Variants in DACH2 observed in about 807,000 individuals in gnomAD.
DACH2 encodes dachshund family transcription factor 2, also known as dachshund homolog 2.
Under a neutral mutation model 35.8 loss-of-function variants are expected in DACH2, and 17 were observed. That is an observed-to-expected ratio of 0.48 (90% CI 0.33 to 0.71). The LOEUF is 0.71. DACH2 is among the 30% of genes least tolerant of loss of function. DACH2 has a pLI of 0.02. For synonymous variants in DACH2, 195 were observed against 177.3 expected (o/e 1.10, Z -0.79); for missense variants, 469 against 472.7 (o/e 0.99, Z 0.07).
At chrX:86,491,431 A>G (rs6617229) in intron 2 of DACH2, among the ~76,000 whole-genome samples, 16,069 of 111,630 alleles carry the variant, frequency 0.14, 950 homozygotes, top group South Asian at 0.27. Flanking sequence ...ATGAAAAGAG[A>G]AACAAACCTT....
chrX:86,385,269 A>G (rs2036106404), intron 2 of DACH2, among the ~76,000 whole-genome samples: 1 of 111,399 alleles, frequency 9.0e-6, no homozygotes, highest in East Asian at 2.8e-4. Flanking sequence ...TTTATTTTTT[A>G]TCATCAAATA....
intron 1 of DACH2, among the ~76,000 whole-genome samples, chrX:86,175,258 T>G (rs1419582073): frequency 9.0e-6 from 1 of 111,709 alleles, no homozygotes; most frequent in Non-Finnish European, 1.9e-5. Context: ...AAACAACATA[T>G]CCACAATGAG....
chrX:86,341,446 GA>G (rs945597433), intron 1 of DACH2, among the ~76,000 whole-genome samples: 5 of 110,828 alleles, frequency 4.5e-5, no homozygotes, highest in East Asian at 2.8e-4. Context: ...TACTGTTCAG[GA>G]AAAAAAAGGA....
At chrX:86,747,769 A>G (rs1426688622) in intron 7 of DACH2, among the ~76,000 whole-genome samples, 3 of 111,571 alleles carry the variant, frequency 2.7e-5, no homozygotes, top group Non-Finnish European at 5.7e-5. Flanking sequence ...ATTCCTTAAT[A>G]TAAGACAGCA....
chrX:86,205,770 T>C (rs2032294713), intron 1 of DACH2, among the ~76,000 whole-genome samples: 1 of 107,197 alleles, frequency 9.3e-6, no homozygotes, highest in African/African-American at 3.4e-5. Context: ...TTTTGCTGTG[T>C]TGCCCAAGTT....
At chrX:86,462,556 C>G (rs773583433) in intron 2 of DACH2, among the ~76,000 whole-genome samples, 172 of 111,038 alleles carry the variant, frequency 1.5e-3, no homozygotes, top group African/African-American at 5.4e-3. Flanking sequence ...TGCAGGAGTC[C>G]ACAATTACTG....
chrX:86,246,218 A>G (rs747100226), intron 1 of DACH2, among the ~76,000 whole-genome samples: 31 of 111,988 alleles, frequency 2.8e-4, no homozygotes, highest in Non-Finnish European at 3.0e-4. Context: ...AGTGAGGGAG[A>G]GAACACAAGC....
At chrX:86,819,215 A>T (rs1035419764) in intron 11 of DACH2, among the ~76,000 whole-genome samples, 2 of 109,760 alleles carry the variant, frequency 1.8e-5, no homozygotes, top group Non-Finnish European at 3.8e-5. Context: ...CTCCTACAGA[A>T]TGTTTTCTGG....
intron 7 of DACH2, among the ~76,000 whole-genome samples, chrX:86,798,354 GTAA>G (rs1231040534): frequency 8.9e-6 from 1 of 112,188 alleles, no homozygotes; most frequent in Non-Finnish European, 1.9e-5. Context: ...AACTGCTGTA[GTAA>G]TGAGAGGCTC....
intron 3 of DACH2, among the ~76,000 whole-genome samples, chrX:86,638,302 A>G (rs190291373): frequency 1.2e-4 from 13 of 112,219 alleles, no homozygotes; most frequent in African/African-American, 3.9e-4. Context: ...CTGAAATTAT[A>G]AAAATATCCG....
intron 3 of DACH2, among the ~76,000 whole-genome samples, chrX:86,578,795 G>A (rs1421995085): frequency 1.8e-5 from 2 of 111,697 alleles, no homozygotes; most frequent in African/African-American, 6.5e-5. Context: ...ATCAAGGAAT[G>A]TTATTACTGG....
chrX:86,449,325 G>T (rs373816132), intron 2 of DACH2, among the ~76,000 whole-genome samples: 5 of 95,545 alleles, frequency 5.2e-5, no homozygotes, highest in Non-Finnish European at 1.0e-4. Flanking sequence ...TTAGTTATTT[G>T]TTGCCTTCTG....
chrX:86,561,830 G>A lies in DACH2; in HGVS notation c.640+47439G>A, dbSNP rs1425075456. On this transcript the variant is annotated intron_variant, in intron 3 of 11. Coordinates refer to ENST00000373125, the MANE Select transcript of DACH2 (RefSeq NM_053281.3). ...ACACGTTAGTGGGTGCAGTGCACCA[G>A]CATGGCACATGTATACATATGTAAC... Among the ~76,000 whole-genome samples, 6 of 67,936 alleles carry A rather than the reference G, an allele frequency of 8.8e-5. No individual in the cohort carries two copies. The East Asian group carries it at 1.4e-3, about 16-fold the overall frequency. The allele number at this position is 67,936 out of a possible 115,157, so 59.0% of individuals were successfully genotyped here.
chrX:86,327,491 TA>T (rs994602846), intron 1 of DACH2, among the ~76,000 whole-genome samples: 3 of 111,924 alleles, frequency 2.7e-5, no homozygotes, highest in Admixed American at 9.5e-5. Flanking sequence ...TGTTTTTGAA[TA>T]AGGGACAAAA....
At chrX:86,327,374 C>A (rs1361153599) in intron 1 of DACH2, among the ~76,000 whole-genome samples, 1 of 112,062 alleles carries the variant, frequency 8.9e-6, no homozygotes, top group Non-Finnish European at 1.9e-5. Flanking sequence ...ATACATCATT[C>A]TCAGGCCAGT....
intron 1 of DACH2, among the ~76,000 whole-genome samples, chrX:86,274,500 T>TG (rs1258116349): frequency 4.2e-4 from 1 of 2,396 alleles, no homozygotes; most frequent in Non-Finnish European, 5.6e-4. Flanking sequence ...CTGTTTTTTT[T>TG]TTTTTTTTTT....
chrX:86,220,354 T>C (rs1189568598), intron 1 of DACH2, among the ~76,000 whole-genome samples: 1 of 111,164 alleles, frequency 9.0e-6, no homozygotes, highest in Non-Finnish European at 1.9e-5. Context: ...ACTGAAACTT[T>C]ATGGCTTTGG....
intron 2 of DACH2, among the ~76,000 whole-genome samples, chrX:86,421,608 TA>T (rs1349122396): frequency 1.8e-5 from 2 of 111,814 alleles, no homozygotes; most frequent in African/African-American, 6.5e-5. Flanking sequence ...GTTATTATTT[TA>T]AAGTGAGGTT....
intron 1 of DACH2, among the ~76,000 whole-genome samples, chrX:86,243,538 G>T (rs1385585044): frequency 9.0e-6 from 1 of 111,410 alleles, no homozygotes; most frequent in Non-Finnish European, 1.9e-5. Flanking sequence ...GTGTAAGAGA[G>T]ATTTTTTTTT....
Sources: gnomAD v4.1 joint callset for allele counts (sites outside exome capture counted in the v4.1 genomes callset) on GRCh38, gnomAD v4.1.1 for gene constraint, MANE v1.5 for transcripts, NCBI Gene and HGNC (gene_info 2026-07-23, HGNC 2026-07-21) for gene names.